SMYD3: variants seen among roughly 807,000 people sequenced by gnomAD.
The protein encoded by SMYD3 is histone-lysine N-methyltransferase SMYD3.
In SMYD3, 36 loss-of-function variants were observed where a neutral mutation model predicts 57.7. The ratio of observed to expected loss-of-function variants is 0.62; its 90% CI spans 0.48 to 0.82. SMYD3 has a LOEUF of 0.82. Among genes scored for constraint, SMYD3 ranks in the 40% least tolerant of loss-of-function variants. The pLI is 0.00. For synonymous variants in SMYD3, 211 were observed against 195.0 expected, an observed-to-expected ratio of 1.08 and a Z score of -0.68; for missense variants, 515 against 538.8, an observed-to-expected ratio of 0.96 and a Z score of 0.44.
chr1:246,003,591 T>G (rs1229715940), intron 5 of SMYD3, among the ~76,000 whole-genome samples: 1 of 152,184 alleles, frequency 6.6e-6, no homozygotes, highest in Non-Finnish European at 1.5e-5. Flanking sequence ...GGCTCAGCTA[T>G]CAACAAAATT....
intron 5 of SMYD3, among the ~76,000 whole-genome samples, chr1:246,245,120 C>CTTTTTTTTTTTTTTTTTTT (rs74163421): frequency 4.1e-5 from 5 of 122,948 alleles, no homozygotes; most frequent in African/African-American, 6.1e-5. Context: ...CAGCTACTGC[C>CTTTTTTTTTTTTTTTTTTT]TTTTTTTTTT....
chr1:245,953,667 C>A (rs2057737852), intron 5 of SMYD3, among the ~76,000 whole-genome samples: 1 of 152,160 alleles, frequency 6.6e-6, no homozygotes, highest in Non-Finnish European at 1.5e-5. Context: ...GATACACCAG[C>A]CTTGTCCTCC....
intron 5 of SMYD3, among the ~76,000 whole-genome samples, chr1:246,295,056 A>T (rs2064766828): frequency 6.6e-6 from 1 of 152,204 alleles, no homozygotes; most frequent in South Asian, 2.1e-4. Flanking sequence ...ATGTAATAAT[A>T]AATATTTTAT....
intron 5 of SMYD3, among the ~76,000 whole-genome samples, chr1:246,164,103 T>C (rs2062164463): frequency 6.6e-6 from 1 of 152,126 alleles, no homozygotes; most frequent in African/African-American, 2.4e-5. Context: ...GTTTAGCTGG[T>C]TTCTCCCAAC....
chr1:245,824,736 G>A lies in SMYD3; in HGVS notation c.1076+33760C>T, dbSNP rs183671143. ...CCAGGTGTGGTGGTGCATGCCTGTA[G>A]TCCCAGCTACTTGGGCGGCTGAGGC... On this transcript the variant is annotated intron_variant, in intron 10 of 11. Coordinates refer to ENST00000490107, the MANE Select transcript of SMYD3 (RefSeq NM_001167740.2). Among the ~76,000 whole-genome samples the A allele has an allele frequency of 1.7e-4, 26 of 152,030 alleles. No individual in the cohort carries two copies. In the East Asian group the frequency reaches 4.3e-3, roughly 25 times the overall value.
At position 246,457,552 on chromosome 1, in the gene SMYD3, AAG is replaced by A. The variant is rs1558473762; in HGVS notation, c.164+49500_164+49501del. Reference sequence around the variant, plus strand: ...TGCCTCAAAAAAAAAAAAAAAAGAAAAGAAAAGAAAAGAAAAGAAAAGAAAAA... The same window carrying A: ...TGCCTCAAAAAAAAAAAAAAAAGAAAAAAAGAAAAGAAAAGAAAAGAAAAA... On this transcript the variant is annotated intron_variant, in intron 1 of 11. Transcript: ENST00000490107. Among the ~76,000 whole-genome samples, 687 of 96,062 alleles carry A rather than the reference AAG, an allele frequency of 7.2e-3. 11 individuals carry two copies. Among genetic ancestry groups the A allele is most frequent in the African/African-American group, 0.024 (648 of 27,518 alleles). 63.0% of individuals were successfully genotyped at this position (96,062 alleles called of 152,430 possible).
chr1:246,198,290 A>T (rs1194363795), intron 5 of SMYD3, among the ~76,000 whole-genome samples: 1 of 152,256 alleles, frequency 6.6e-6, no homozygotes, highest in Admixed American at 6.5e-5. Flanking sequence ...TTTCCCAAGA[A>T]CAGATGTAAC....
intron 1 of SMYD3, among the ~76,000 whole-genome samples, chr1:246,478,074 T>C (rs1427268134): frequency 2.0e-5 from 3 of 151,632 alleles, no homozygotes; most frequent in Non-Finnish European, 4.4e-5. Flanking sequence ...CAAACATCTG[T>C]TGAGGACCTA....
intron 5 of SMYD3, among the ~76,000 whole-genome samples, chr1:246,231,515 T>C (rs12047380): frequency 0.085 from 12,888 of 152,294 alleles, 736 homozygotes; most frequent in East Asian, 0.21. Flanking sequence ...ATATTAAAAA[T>C]TGTTTTCTGG....
At chr1:245,950,076 C>T (rs1440532694) in intron 5 of SMYD3, among the ~76,000 whole-genome samples, 1 of 152,194 alleles carries the variant, frequency 6.6e-6, no homozygotes, top group South Asian at 2.1e-4. Context: ...AATTTAAGGA[C>T]ACAAGAAACA....
chr1:246,341,105 A>G (rs1022339856), intron 2 of SMYD3, among the ~76,000 whole-genome samples: 16 of 152,216 alleles, frequency 1.1e-4, no homozygotes, highest in Admixed American at 6.5e-4. Context: ...ATAGCTTTCC[A>G]TTACTATTTA....
chr1:246,409,602 G>A (rs993551117), intron 1 of SMYD3, among the ~76,000 whole-genome samples: 13 of 152,294 alleles, frequency 8.5e-5, no homozygotes, highest in Non-Finnish European at 1.3e-4. Flanking sequence ...TTTGAAGTCA[G>A]GTAGCCTGAT....
At chr1:246,327,128 T>G in intron 5 of SMYD3, 73 bp downstream of exon 5, 1 of 1,591,736 alleles carries the variant, frequency 6.3e-7, no homozygotes, top group Non-Finnish European at 8.6e-7. Context: ...TCTCGACATT[T>G]TTGTAACTAA....
rs2067648434 is a variant in SMYD3 at position 246,452,628 on chromosome 1, T to C, written c.164+54426A>G. On this transcript the variant is annotated intron_variant, in intron 1 of 11. Transcript: ENST00000490107. ...TAGGCACAACTGTTTACTCCAGTGA[T>C]TCCAGGAGAGTTCACTATTAGGAAC... Among the ~76,000 whole-genome samples, 3 of 152,318 alleles carry C rather than the reference T, an allele frequency of 2.0e-5. 1 individual carries two copies. The Middle Eastern group carries it at 0.01, about 518-fold the overall frequency.
At position 246,420,131 on chromosome 1, in the gene SMYD3, G is replaced by A. The variant is rs1382754281; in HGVS notation, c.165-65037C>T. 2.0e-5 allele frequency among the ~76,000 whole-genome samples: 3 copies of A among 152,072 alleles called. No homozygotes were observed. In the South Asian group the frequency reaches 6.2e-4, roughly 32 times the overall value. ...GAAGAATCACTTGAACCCAGGAGGT[G>A]GAGGTTGCAGTGAGCTGAGATTGTG... On this transcript the variant is annotated intron_variant, in intron 1 of 11. Coordinates refer to ENST00000490107, the MANE Select transcript of SMYD3 (RefSeq NM_001167740.2).
In SMYD3 at chr1:246,180,458, T is replaced by C. The variant is rs140233604; in HGVS notation, c.531+146743A>G. ...GATGCAAATGTTTGCCACCTGATTT[T>C]AAAACTCAGGAGGGTTAGGCCGGGT... On this transcript the variant is annotated intron_variant, in intron 5 of 11. Transcript: ENST00000490107. 2.8e-4 allele frequency among the ~76,000 whole-genome samples: 42 copies of C among 149,960 alleles called. No individual in the cohort carries two copies. In the East Asian group the frequency reaches 8.4e-3, roughly 30 times the overall value.
At chr1:246,190,400 T>C (rs1184365927) in intron 5 of SMYD3, among the ~76,000 whole-genome samples, 13 of 151,754 alleles carry the variant, frequency 8.6e-5, no homozygotes. Context: ...GTCTGGCCAA[T>C]ATGGTGAAAC....
intron 8 of SMYD3, among the ~76,000 whole-genome samples, chr1:245,893,704 C>T (rs1465322991): frequency 6.6e-6 from 1 of 152,086 alleles, no homozygotes; most frequent in African/African-American, 2.4e-5. Flanking sequence ...GACATGGATA[C>T]AACGCAGTAC....
chr1:246,001,481 G>C (rs539063179), intron 5 of SMYD3, among the ~76,000 whole-genome samples: 1 of 152,126 alleles, frequency 6.6e-6, no homozygotes, highest in East Asian at 1.9e-4. Context: ...GAAACCATGG[G>C]GTATGTGGCA....
Sources: gnomAD v4.1 joint callset for allele counts (sites outside exome capture counted in the v4.1 genomes callset) on GRCh38, gnomAD v4.1.1 for gene constraint, MANE v1.5 for transcripts, NCBI Gene and HGNC (gene_info 2026-07-23, HGNC 2026-07-21) for gene names.